Variants in DAPK2 observed in about 807,000 individuals in gnomAD.
The protein encoded by DAPK2 is death associated protein kinase 2, also known as death-associated protein kinase 2.
A neutral mutation model predicts 44.1 loss-of-function variants in DAPK2; 35 were observed. The ratio of observed to expected loss-of-function variants is 0.79; its 90% CI spans 0.61 to 1.05. The LOEUF (loss-of-function observed/expected upper bound fraction) is 1.05, where lower values mean the gene tolerates loss of function less well. Ranked by LOEUF, DAPK2 falls within the 50% of genes least tolerant of loss-of-function variation. The pLI is 0.00. For synonymous variants in DAPK2, 174 were observed against 182.6 expected, an observed-to-expected ratio of 0.95 and a Z score of 0.38; for missense variants, 453 against 483.2, an observed-to-expected ratio of 0.94 and a Z score of 0.59.
chr15:63,992,594 C>T (rs1013952855), intron 1 of DAPK2, among the ~76,000 whole-genome samples: 5 of 152,214 alleles, frequency 3.3e-5, no homozygotes, highest in Non-Finnish European at 2.9e-5. Context: ...GAGTGATACA[C>T]AAGCACTTCA....
chr15:63,945,788 T>C (rs901573289), intron 3 of DAPK2, among the ~76,000 whole-genome samples: 1 of 152,128 alleles, frequency 6.6e-6, no homozygotes, highest in Non-Finnish European at 1.5e-5. Flanking sequence ...GGCTCTGCAG[T>C]TTCGAGATGG....
At chr15:64,045,722 C>G (rs2080446672) in intron 1 of DAPK2, among the ~76,000 whole-genome samples, 1 of 152,220 alleles carries the variant, frequency 6.6e-6, no homozygotes, top group Admixed American at 6.5e-5. Flanking sequence ...GAGTCCTAGT[C>G]AACTGTTGGC....
At chr15:63,942,114 A>AT (rs1221757093) in intron 3 of DAPK2, 1 of 700,922 alleles carries the variant, frequency 1.4e-6, no homozygotes, top group Non-Finnish European at 1.8e-6. Context: ...AGACCTGGTG[A>AT]TCCCCAGGAC....
intron 1 of DAPK2, chr15:63,991,350 A>T: frequency 2.2e-6 from 1 of 455,980 alleles, no homozygotes; most frequent in South Asian, 1.5e-5. Flanking sequence ...CCAGCCAAGA[A>T]CCTGCAAACA....
chr15:64,002,590 T>C (rs2140972785), intron 1 of DAPK2, among the ~76,000 whole-genome samples: 1 of 152,306 alleles, frequency 6.6e-6, no homozygotes, highest in East Asian at 1.9e-4. Context: ...TTCTGTAAAA[T>C]GAGGCTAATA....
intron 3 of DAPK2, among the ~76,000 whole-genome samples, chr15:63,955,207 T>G (rs1347351099): frequency 6.6e-6 from 1 of 152,218 alleles, no homozygotes; most frequent in Admixed American, 6.5e-5. Flanking sequence ...GTGGTGAAAG[T>G]GGGCATCCTT....
intron 1 of DAPK2, among the ~76,000 whole-genome samples, chr15:64,005,642 G>T (rs916879064): frequency 3.9e-5 from 6 of 152,002 alleles, no homozygotes; most frequent in Admixed American, 1.3e-4. Context: ...GGGTGGGCAG[G>T]GGAGGAAAAC....
At chr15:64,006,229 C>T (rs16947683) in intron 1 of DAPK2, among the ~76,000 whole-genome samples, 6,197 of 152,050 alleles carry the variant, frequency 0.041, 431 homozygotes, top group African/African-American at 0.14. Flanking sequence ...CTGATCCTTC[C>T]GCCACCAAAG....
chr15:63,984,800 A>G (rs573532333), intron 1 of DAPK2, among the ~76,000 whole-genome samples: 11 of 152,226 alleles, frequency 7.2e-5, no homozygotes, highest in Non-Finnish European at 1.6e-4. Flanking sequence ...CTGGGTTAAA[A>G]GCTACATACA....
At chr15:63,963,289 T>C (rs1338747262) in intron 3 of DAPK2, among the ~76,000 whole-genome samples, 2 of 152,022 alleles carry the variant, frequency 1.3e-5, no homozygotes, top group Admixed American at 6.6e-5. Context: ...CCCCGACCCC[T>C]TGTGCTTCCC....
At chr15:64,028,762 TAGAC>T (rs980805380) in intron 1 of DAPK2, among the ~76,000 whole-genome samples, 38 of 151,162 alleles carry the variant, frequency 2.5e-4, no homozygotes, top group African/African-American at 5.8e-4. Flanking sequence ...GGTAGGCAGG[TAGAC>T]AGACAGACAG....
chr15:63,914,572 G>A (rs1022579695), intron 8 of DAPK2, among the ~76,000 whole-genome samples: 1 of 152,094 alleles, frequency 6.6e-6, no homozygotes, highest in Non-Finnish European at 1.5e-5. Context: ...TGAAGACCTT[G>A]CCTTTTCCCT....
intron 1 of DAPK2, among the ~76,000 whole-genome samples, chr15:64,030,203 G>A (rs2079972604): frequency 6.6e-6 from 1 of 152,088 alleles, no homozygotes; most frequent in South Asian, 2.1e-4. Flanking sequence ...CAGGAGAATC[G>A]CTTGAACCCA....
chr15:64,046,327 C>CGGGCGCGGCGGGCGCGGCGGG (rs1382470296), upstream of DAPK2: 1 of 950,698 alleles, frequency 1.1e-6, no homozygotes, highest in African/African-American at 2.2e-5. This position sits in a 1 kb window ranked among gnomAD's most constrained non-coding sequence, Gnocchi z 5.3. Context: ...GCGGTCGCGG[C>CGGGCGCGGCGGGCGCGGCGGG]CGCGGCAGGC....
intron 1 of DAPK2, among the ~76,000 whole-genome samples, chr15:64,024,984 A>T (rs1327368540): frequency 6.6e-6 from 1 of 152,154 alleles, no homozygotes; most frequent in African/African-American, 2.4e-5. Flanking sequence ...AGGCAGTGCC[A>T]GCCCTGGAAA....
At chr15:64,039,159 C>G (rs991990415) in intron 1 of DAPK2, among the ~76,000 whole-genome samples, 1 of 152,192 alleles carries the variant, frequency 6.6e-6, no homozygotes, top group Non-Finnish European at 1.5e-5. Context: ...CATGGGCATG[C>G]GTCCTCAATC....
rs79119463 is a variant in DAPK2 at position 64,029,496 on chromosome 15, G to A, written c.92+10674C>T. The stretch of plus-strand genomic sequence containing the variant: ...CCTATCTCCTGGATTAGACCCTGCC[G>A]CGCCCAGGGTGATAGCTTCCTCCTC... On this transcript the variant is annotated intron_variant, in intron 1 of 10. Coordinates refer to ENST00000261891, the Ensembl canonical transcript of DAPK2. Among the ~76,000 whole-genome samples, 1,159 of 152,212 alleles carry A rather than the reference G, an allele frequency of 7.6e-3. 9 individuals are homozygous for A. Among genetic ancestry groups the A allele is most frequent in the African/African-American group, 0.02 (836 of 41,518 alleles).
At position 63,939,488 on chromosome 15, in the gene DAPK2, A is replaced by G; in HGVS notation, c.454-127T>C. ...GGTGGGACTTGGTGTTCTTTTTAGG[A>G]GACTGAAACAGCATAAACTCTTCCT... On this transcript the variant is annotated intron_variant, in intron 3 of 10. Transcript: ENST00000261891. The surrounding 1 kb of genome is among the most constrained non-coding windows in gnomAD (Gnocchi z 4.3). 1.2e-6 allele frequency: 1 copy of G among 806,200 alleles called. No homozygotes were observed. The highest frequency in any genetic ancestry group is 1.8e-5 in the South Asian group (1 of 54,248). 49.9% of individuals were successfully genotyped at this position (806,200 alleles called of 1,614,324 possible). A position where few individuals can be genotyped will look rare whatever the true frequency, so the allele number is the denominator to read the frequency against.
At chr15:63,991,974 T>A (rs980196853) in intron 1 of DAPK2, among the ~76,000 whole-genome samples, 2 of 152,138 alleles carry the variant, frequency 1.3e-5, no homozygotes. Flanking sequence ...CTTGTTTCAT[T>A]CCCAGGTCCT....
Sources: gnomAD v4.1 joint callset for allele counts (sites outside exome capture counted in the v4.1 genomes callset) on GRCh38, gnomAD v4.1.1 for gene constraint, Gnocchi (gnomAD v3.1) non-coding constraint, MANE v1.5 for transcripts, NCBI Gene and HGNC (gene_info 2026-07-23, HGNC 2026-07-21) for gene names.